Variants in ADAM23 observed in about 807,000 individuals in gnomAD.
The protein encoded by ADAM23 is disintegrin and metalloproteinase domain-containing protein 23.
A neutral mutation model predicts 120.1 loss-of-function variants in ADAM23; 33 were observed. The ratio of observed to expected loss-of-function variants is 0.27; its 90% CI spans 0.21 to 0.37. ADAM23 has a LOEUF of 0.37. ADAM23 is among the 10% of genes least tolerant of loss of function. The pLI is 1.00. For synonymous variants in ADAM23, 367 were observed against 375.2 expected, an observed-to-expected ratio of 0.98 and a Z score of 0.25; for missense variants, 862 against 1,058.2, an observed-to-expected ratio of 0.81 and a Z score of 2.57.
At chr2:206,545,981 G>A (rs1697388946) in intron 6 of ADAM23, among the ~76,000 whole-genome samples, 1 of 152,158 alleles carries the variant, frequency 6.6e-6, no homozygotes, top group African/African-American at 2.4e-5. Flanking sequence ...GGGCAATTTT[G>A]TAGATTTGAT....
rs376302408 is a variant in ADAM23 at position 206,596,118 on chromosome 2, A to T, written c.2315A>T (p.Asp772Val). ...TWAGTDCSIR[D>V]PVRNLHPPKD... ...GCAGGGACAGATTGCAGTATCCGGG[A>T]TCCAGTTAGGAACCTTCACCCCCCC... Residue 772 changes from aspartate (D) to valine (V), a missense_variant, in exon 24 of 26, where the codon GAT becomes GTT. Asp to Val is a radical substitution (Grantham distance 152, BLOSUM62 -3). This residue lies in a region of ADAM23 where 617 missense variants were observed against 813.5 expected (regional missense o/e 0.76). Transcript: ENST00000264377. 6.2e-7 allele frequency: 1 copy of T among 1,613,978 alleles called. No individual in the cohort carries two copies. Among genetic ancestry groups the T allele is most frequent in the Non-Finnish European group, 8.5e-7 (1 of 1,180,010 alleles).
chr2:206,550,599 CTTT>C (rs67340305), intron 9 of ADAM23, among the ~76,000 whole-genome samples: 1,817 of 137,242 alleles, frequency 0.013, 6 homozygotes, highest in Middle Eastern at 0.027. Flanking sequence ...GACTTATCGT[CTTT>C]TTTTTTTTTT....
At chr2:206,566,136 AAATT>A (rs1218114933) in intron 14 of ADAM23, among the ~76,000 whole-genome samples, 1 of 150,970 alleles carries the variant, frequency 6.6e-6, no homozygotes, top group Non-Finnish European at 1.5e-5. Context: ...TCTGTCTTCT[AAATT>A]AATCTCTGAA....
intron 3 of ADAM23, among the ~76,000 whole-genome samples, chr2:206,506,853 C>A (rs1158870561): frequency 2.6e-5 from 4 of 152,146 alleles, no homozygotes; most frequent in South Asian, 2.1e-4. Flanking sequence ...TGAGAAAAAT[C>A]TTGTTTTCCA....
Position 206,536,683 on chromosome 2 carries a change from T to C in ADAM23, c.574-5369T>C, listed in dbSNP as rs994010681. Among the ~76,000 whole-genome samples, 5 of 152,290 alleles carry C rather than the reference T, an allele frequency of 3.3e-5. No homozygotes were observed. The South Asian group carries it at 1.0e-3, about 32-fold the overall frequency. On this transcript the variant is annotated intron_variant, in intron 4 of 25. Coordinates refer to ENST00000264377, the MANE Select transcript of ADAM23 (RefSeq NM_003812.4). ...AATAATTTCACTATGTATATCAAAA[T>C]ATCATGTTGTATATTTTAGATATAC...
At chr2:206,526,784 T>A (rs1336298970) in intron 3 of ADAM23, among the ~76,000 whole-genome samples, 1 of 152,254 alleles carries the variant, frequency 6.6e-6, no homozygotes, top group Non-Finnish European at 1.5e-5. Context: ...TTCATTGACC[T>A]GATTCTTGGC....
At chr2:206,605,947 CT>C (rs1220780750) in intron 24 of ADAM23, 1 of 603,364 alleles carries the variant, frequency 1.7e-6, no homozygotes. Flanking sequence ...ATGCCTGTAC[CT>C]GACTCCATGT....
chr2:206,457,156 T>C (rs1413163875), intron 2 of ADAM23, among the ~76,000 whole-genome samples: 2 of 152,338 alleles, frequency 1.3e-5, no homozygotes, highest in East Asian at 1.9e-4. Context: ...CTCCAATGCA[T>C]TGGTAATAAA....
At chr2:206,480,977 T>C (rs989841071) in intron 2 of ADAM23, among the ~76,000 whole-genome samples, 1 of 152,178 alleles carries the variant, frequency 6.6e-6, no homozygotes, top group African/African-American at 2.4e-5. Flanking sequence ...GAATATGCTG[T>C]TGGTTTTTAT....
intron 3 of ADAM23, among the ~76,000 whole-genome samples, chr2:206,491,922 C>T (rs560074959): frequency 6.6e-6 from 1 of 152,310 alleles, no homozygotes; most frequent in East Asian, 1.9e-4. Context: ...GTATAAAGTT[C>T]TTTCTAACCT....
intron 6 of ADAM23, among the ~76,000 whole-genome samples, 192 bp downstream of exon 6, chr2:206,543,508 T>C (rs1353711390): frequency 6.6e-6 from 1 of 152,184 alleles, no homozygotes; most frequent in African/African-American, 2.4e-5. Context: ...TAAAGGATAG[T>C]AAAAGACATC....
chr2:206,611,441 T>TGA (rs765872974), intron 25 of ADAM23, among the ~76,000 whole-genome samples: 14,091 of 152,266 alleles, frequency 0.093, 701 homozygotes, highest in Middle Eastern at 0.12. Context: ...AAACTTTTCT[T>TGA]AGTGTTCCAC....
intron 2 of ADAM23, among the ~76,000 whole-genome samples, chr2:206,479,583 C>T (rs1466902355): frequency 2.6e-5 from 4 of 152,104 alleles, no homozygotes; most frequent in Non-Finnish European, 5.9e-5. Context: ...ATTAATGCTT[C>T]AAGGTACAGA....
At chr2:206,472,333 G>A (rs532352594) in intron 2 of ADAM23, among the ~76,000 whole-genome samples, 2 of 152,234 alleles carry the variant, frequency 1.3e-5, no homozygotes, top group South Asian at 4.2e-4. Context: ...ACTTCGGCTG[G>A]GCGAAGTGGC....
chr2:206,446,344 G>A (rs1695081880), intron 2 of ADAM23, among the ~76,000 whole-genome samples: 1 of 152,094 alleles, frequency 6.6e-6, no homozygotes, highest in Admixed American at 6.6e-5. Context: ...ATGGATTATC[G>A]GTTCTTCTGT....
chr2:206,573,298 G>A, intron 18 of ADAM23, 103 bp downstream of exon 18: 1 of 1,199,986 alleles, frequency 8.3e-7, no homozygotes, highest in Non-Finnish European at 1.2e-6. Flanking sequence ...AAGATTTTTT[G>A]GATTTTGGAA....
chr2:206,564,807 C>G (rs1445621493), intron 13 of ADAM23, among the ~76,000 whole-genome samples: 1 of 152,196 alleles, frequency 6.6e-6, no homozygotes. Flanking sequence ...TTCTTGCCAG[C>G]TGTTTTCTTA....
At chr2:206,467,229 T>C (rs1695559665) in intron 2 of ADAM23, among the ~76,000 whole-genome samples, 1 of 152,170 alleles carries the variant, frequency 6.6e-6, no homozygotes, top group Non-Finnish European at 1.5e-5. Context: ...CCCAGAATCT[T>C]AACTCATTCC....
chr2:206,459,413 G>A (rs1173715604), intron 2 of ADAM23, among the ~76,000 whole-genome samples: 1 of 152,152 alleles, frequency 6.6e-6, no homozygotes, highest in Non-Finnish European at 1.5e-5. Context: ...TTTTAGGATT[G>A]TTACCCAAAT....
Sources: allele counts gnomAD v4.1 joint callset (sites outside exome capture counted in the v4.1 genomes callset), GRCh38; gene constraint gnomAD v4.1.1; regional missense constraint gnomAD v4.1.1; transcripts MANE v1.5; gene names NCBI Gene and HGNC (gene_info 2026-07-23, HGNC 2026-07-21).